Variants in VPS54 observed in about 807,000 individuals in gnomAD.
The protein encoded by VPS54 is vacuolar protein sorting-associated protein 54.
In VPS54, 45 loss-of-function variants were observed where a neutral mutation model predicts 121.5. That is an observed-to-expected ratio of 0.37 (90% CI 0.29 to 0.47). The LOEUF (loss-of-function observed/expected upper bound fraction) is 0.47. VPS54 is among the 20% of genes least tolerant of loss of function. VPS54 has a pLI of 0.99. For missense variants in VPS54, 1,090 were observed against 1,131.4 expected, an observed-to-expected ratio of 0.96 and a Z score of 0.52; for synonymous variants, 371 against 385.8, an observed-to-expected ratio of 0.96 and a Z score of 0.45.
At chr2:63,999,684 CT>C (rs1327407687) in intron 1 of VPS54, among the ~76,000 whole-genome samples, 1 of 152,160 alleles carries the variant, frequency 6.6e-6, no homozygotes, top group Non-Finnish European at 1.5e-5. Flanking sequence ...CTTTTTACCC[CT>C]ATCTCTTTCT....
chr2:64,005,359 T>C (rs1678093755), intron 1 of VPS54, among the ~76,000 whole-genome samples: 1 of 152,032 alleles, frequency 6.6e-6, no homozygotes, highest in East Asian at 1.9e-4. Flanking sequence ...CGCCTCGGCC[T>C]CCCAAAGTGC....
At chr2:63,957,139 T>C (rs577673165) in intron 7 of VPS54, among the ~76,000 whole-genome samples, 23 of 152,180 alleles carry the variant, frequency 1.5e-4, no homozygotes, top group Admixed American at 2.6e-4. Flanking sequence ...TCACATGTAA[T>C]GGTTAAAAAT....
intron 20 of VPS54, among the ~76,000 whole-genome samples, chr2:63,911,290 A>G (rs888504228): frequency 1.3e-5 from 2 of 152,174 alleles, no homozygotes; most frequent in Admixed American, 1.3e-4. Context: ...ACTAATTTAA[A>G]TAGGCATAAC....
chr2:64,010,769 T>C (rs1348864782), intron 1 of VPS54, among the ~76,000 whole-genome samples: 1 of 152,196 alleles, frequency 6.6e-6, no homozygotes, highest in Non-Finnish European at 1.5e-5. Flanking sequence ...AAAATCTCAA[T>C]ATTGAAGGTA....
intron 12 of VPS54, among the ~76,000 whole-genome samples, chr2:63,931,868 A>G (rs1418643082): frequency 1.3e-5 from 2 of 152,262 alleles, no homozygotes. Context: ...CACTTCTCAA[A>G]AGAGGACATT....
chr2:63,990,913 T>C (rs754987431), intron 1 of VPS54, among the ~76,000 whole-genome samples: 1 of 152,238 alleles, frequency 6.6e-6, no homozygotes, highest in Non-Finnish European at 1.5e-5. Flanking sequence ...ACAAACTTTT[T>C]GTACTGAGGT....
chr2:63,962,311 T>G lies in VPS54; in HGVS notation c.757A>C (p.Lys253Gln), dbSNP rs768461314. ...DYLRKTSQAV[K>Q]MLRDKIAQID... ...TGTGCAATTTTATCTCGAAGCATTT[T>G]TACAGCCTGGGAAGTTTTCCTGAGG... The change falls in exon 7 of 23, where the codon AAA becomes CAA. Residue 253 changes from lysine to glutamine, a missense_variant. Transcript: ENST00000272322. 2 of 1,614,072 alleles carry G rather than the reference T, an allele frequency of 1.2e-6. No homozygotes were observed. The highest frequency in any genetic ancestry group is 2.2e-5 in the South Asian group (2 of 91,080).
intron 5 of VPS54, 55 bp from the exon 6 acceptor site, chr2:63,966,021 ATCTCT>A (rs1380016164): frequency 3.9e-6 from 6 of 1,548,620 alleles, no homozygotes; most frequent in African/African-American, 2.8e-5. Context: ...TATACCCATT[ATCTCT>A]TCTAACATCA....
At chr2:63,952,619 A>T (rs1675305179) in intron 7 of VPS54, among the ~76,000 whole-genome samples, 1 of 152,194 alleles carries the variant, frequency 6.6e-6, no homozygotes, top group African/African-American at 2.4e-5. Context: ...AGTAGTGATA[A>T]TTATGAAACA....
intron 20 of VPS54, among the ~76,000 whole-genome samples, chr2:63,906,687 T>C (rs931924623): frequency 2.6e-5 from 4 of 152,166 alleles, no homozygotes; most frequent in African/African-American, 9.7e-5. Flanking sequence ...ATACACAACA[T>C]AGTTTCTGGC....
chr2:63,972,194 G>C lies in VPS54; in HGVS notation c.429C>G (p.Thr143=), dbSNP rs1213407311. The change falls in exon 4 of 23, where the codon ACC becomes ACG. Residue 143 remains threonine, a synonymous_variant. Coordinates refer to ENST00000272322, the MANE Select transcript of VPS54 (RefSeq NM_016516.3). ...GAGTATGTAAAAGAGTCCTTTCGAA[G>C]GTATCTTTAGGAGGACAAATATTCT... The part of the protein sequence containing the change: ...RCKNICPPKD[T]FERTLLHTHD... The C allele has an allele frequency of 6.3e-7, 1 of 1,589,784 alleles. No individual in the cohort carries two copies. The highest frequency in any genetic ancestry group is 8.6e-7 in the Non-Finnish European group (1 of 1,163,678).
chr2:63,926,217 C>G (rs1014249809), intron 12 of VPS54, among the ~76,000 whole-genome samples: 5 of 152,208 alleles, frequency 3.3e-5, no homozygotes, highest in Non-Finnish European at 7.4e-5. Flanking sequence ...AATGGTAGAA[C>G]TGTCTTCTCA....
chr2:63,895,996 T>C (rs1242124650), intron 22 of VPS54, among the ~76,000 whole-genome samples: 1 of 152,222 alleles, frequency 6.6e-6, no homozygotes, highest in Non-Finnish European at 1.5e-5. Context: ...AAAATATTAT[T>C]AGCTTTTTTT....
rs767096755 is a variant in VPS54 at position 63,913,349 on chromosome 2, A to C, written c.2335-39T>G. ...GAGAAAAAAACCCCAAAATTTACTA[A>C]AAACTGTTCTTTATATCCTGGCAAT... On this transcript the variant is annotated intron_variant, in intron 17 of 22. Transcript: ENST00000272322. The C allele has an allele frequency of 8.7e-6, 13 of 1,501,502 alleles. No individual in the cohort carries two copies. In the South Asian group the frequency reaches 1.4e-4, roughly 17 times the overall value. 93.0% of individuals were successfully genotyped at this position (1,501,502 alleles called of 1,614,324 possible). A position where few individuals can be genotyped will look rare whatever the true frequency, so the allele number is the denominator to read the frequency against.
chr2:63,899,260 T>C (rs937030622), intron 21 of VPS54, among the ~76,000 whole-genome samples: 2 of 152,208 alleles, frequency 1.3e-5, no homozygotes, highest in Admixed American at 1.3e-4. Context: ...GTTTATAATA[T>C]AGTAAAGCTC....
At chr2:63,937,129 A>G (rs1456197615) in intron 11 of VPS54, among the ~76,000 whole-genome samples, 1 of 152,188 alleles carries the variant, frequency 6.6e-6, no homozygotes, top group African/African-American at 2.4e-5. Flanking sequence ...ATAGGTGACA[A>G]CAAAAAAATA....
chr2:63,967,273 C>T (rs1166736008), intron 5 of VPS54, among the ~76,000 whole-genome samples: 1 of 151,876 alleles, frequency 6.6e-6, no homozygotes, highest in African/African-American at 2.4e-5. Context: ...ATTTTCTAAT[C>T]CCTGCTTTGG....
chr2:63,966,809 A>G (rs933128760), intron 5 of VPS54, among the ~76,000 whole-genome samples: 1 of 152,182 alleles, frequency 6.6e-6, no homozygotes, highest in African/African-American at 2.4e-5. Flanking sequence ...GCAATATTCA[A>G]TTCTCTTCCA....
intron 11 of VPS54, among the ~76,000 whole-genome samples, chr2:63,938,289 C>T (rs1674560538): frequency 6.6e-6 from 1 of 151,488 alleles, no homozygotes. Flanking sequence ...TGTCCCCATT[C>T]CCTGGCATGC....
Sources: allele counts gnomAD v4.1 joint callset (sites outside exome capture counted in the v4.1 genomes callset), GRCh38; gene constraint gnomAD v4.1.1; transcripts MANE v1.5; gene names NCBI Gene and HGNC (gene_info 2026-07-23, HGNC 2026-07-21).